Variants in KIF5C observed in about 807,000 individuals in gnomAD.
KIF5C encodes kinesin heavy chain isoform 5C.
In KIF5C, 18 loss-of-function variants were observed where a neutral mutation model predicts 125.2. That is an observed-to-expected ratio of 0.14 (90% CI 0.10 to 0.21). KIF5C has a LOEUF of 0.21. KIF5C is among the 10% of genes least tolerant of loss of function. The probability of loss-of-function intolerance (pLI) is 1.00; values close to 1 mark genes in which losing one functional copy is unlikely to be tolerated. For synonymous variants in KIF5C, 405 were observed against 434.0 expected (o/e 0.93, Z 0.83); for missense variants, 780 against 1,183.8 (o/e 0.66, Z 5.01).
intron 8 of KIF5C, among the ~76,000 whole-genome samples, chr2:148,947,714 A>G (rs1682551887): frequency 6.6e-6 from 1 of 152,222 alleles, no homozygotes; most frequent in Non-Finnish European, 1.5e-5. Context: ...TCTCACTTCC[A>G]TAGCACCAGT....
chr2:148,911,563 G>T (rs1681339487), intron 1 of KIF5C, among the ~76,000 whole-genome samples: 1 of 152,174 alleles, frequency 6.6e-6, no homozygotes, highest in Non-Finnish European at 1.5e-5. Context: ...GGCATGAGAA[G>T]ACCAACCTTC....
intron 4 of KIF5C, among the ~76,000 whole-genome samples, chr2:148,940,440 A>C (rs941421678): frequency 5.3e-5 from 8 of 152,214 alleles, no homozygotes; most frequent in Non-Finnish European, 1.2e-4. Flanking sequence ...CCCACATCTC[A>C]GAGTAGCTGG....
At chr2:148,928,208 T>C (rs558911743) in intron 2 of KIF5C, among the ~76,000 whole-genome samples, 1 of 152,174 alleles carries the variant, frequency 6.6e-6, no homozygotes, top group Non-Finnish European at 1.5e-5. Flanking sequence ...CCCTCTACCA[T>C]GCTCCCAAAA....
intron 15 of KIF5C, 102 bp downstream of exon 15, chr2:148,983,868 A>G: frequency 1.5e-6 from 2 of 1,317,982 alleles, no homozygotes; most frequent in East Asian, 2.6e-5. Context: ...TGTGCTTTGC[A>G]TCTGCCATGT....
At chr2:149,015,662 T>C (rs1231600826) in intron 25 of KIF5C, among the ~76,000 whole-genome samples, 1 of 152,366 alleles carries the variant, frequency 6.6e-6, no homozygotes, top group Non-Finnish European at 1.5e-5. Flanking sequence ...TTTGATCTTA[T>C]CTGGTTCAAA....
At chr2:149,003,025 G>A (rs1451805581) in intron 21 of KIF5C, among the ~76,000 whole-genome samples, 2 of 151,996 alleles carry the variant, frequency 1.3e-5, no homozygotes, top group Non-Finnish European at 2.9e-5. Context: ...CCCTCGCCCA[G>A]CCCATGCACG....
chr2:148,998,234 A>G, intron 18 of KIF5C, 166 bp from the exon 19 acceptor site: 2 of 1,162,260 alleles, frequency 1.7e-6, no homozygotes, highest in South Asian at 1.6e-5. Flanking sequence ...TTATCCCAAT[A>G]AAGCAAGGCC....
At chr2:149,000,063 A>G (rs1423449503) in intron 19 of KIF5C, 3 of 185,504 alleles carry the variant, frequency 1.6e-5, no homozygotes, top group Non-Finnish European at 3.3e-5. Flanking sequence ...CAGGTTCCCC[A>G]AGTGACTGCA....
chr2:148,983,292 C>T (rs1681286633), intron 14 of KIF5C, among the ~76,000 whole-genome samples: 1 of 152,154 alleles, frequency 6.6e-6, no homozygotes, highest in Admixed American at 6.5e-5. Flanking sequence ...ATAGGACTGA[C>T]ATAGAATATC....
At position 148,949,955 on chromosome 2, in the gene KIF5C, T is replaced by C; in HGVS notation, c.819+12T>C. On this transcript the variant is annotated intron_variant, in intron 9 of 25. Coordinates refer to ENST00000435030, the MANE Select transcript of KIF5C (RefSeq NM_004522.3). ...TGGCAGAAGGGACAGTAAGTGATCC[T>C]GCCCCCATCTATTAAGTAATATTAT... 1 of 1,610,410 alleles carries C rather than the reference T, an allele frequency of 6.2e-7. No individual in the cohort carries two copies. Among genetic ancestry groups the C allele is most frequent in the Non-Finnish European group, 8.5e-7 (1 of 1,178,270 alleles).
intron 4 of KIF5C, among the ~76,000 whole-genome samples, chr2:148,938,747 T>G (rs1682344141): frequency 6.6e-6 from 1 of 152,126 alleles, no homozygotes; most frequent in East Asian, 1.9e-4. Context: ...GGGATCTTAG[T>G]GCACCAGGCC....
At chr2:149,016,833 G>A (rs1682375318) in intron 25 of KIF5C, among the ~76,000 whole-genome samples, 1 of 152,090 alleles carries the variant, frequency 6.6e-6, no homozygotes, top group African/African-American at 2.4e-5. Flanking sequence ...GAGAAAAGGT[G>A]GGCACAGCAG....
intron 2 of KIF5C, among the ~76,000 whole-genome samples, chr2:148,926,862 G>C (rs2105088694): frequency 6.6e-6 from 1 of 152,322 alleles, no homozygotes; most frequent in East Asian, 1.9e-4. Context: ...GAGAGGTTCT[G>C]CAGCAGTGAA....
chr2:148,890,835 G>A (rs1010560038), intron 1 of KIF5C, among the ~76,000 whole-genome samples: 1 of 152,128 alleles, frequency 6.6e-6, no homozygotes, highest in Non-Finnish European at 1.5e-5. Context: ...GCCCAAATGA[G>A]TTTCAACTGT....
chr2:148,975,683 A>C (rs1681042647), intron 12 of KIF5C, among the ~76,000 whole-genome samples: 1 of 151,974 alleles, frequency 6.6e-6, no homozygotes, highest in Admixed American at 6.6e-5. Flanking sequence ...AAGCACAGGT[A>C]CTCTCCCAAG....
intron 24 of KIF5C, 138 bp from the exon 25 acceptor site, chr2:149,011,432 G>C (rs1682192725): frequency 7.3e-6 from 9 of 1,234,778 alleles, no homozygotes; most frequent in Non-Finnish European, 9.7e-6. Flanking sequence ...TTTTCAGAGA[G>C]ATCTGGTGGT....
At chr2:148,904,261 C>G (rs1280431505) in intron 1 of KIF5C, among the ~76,000 whole-genome samples, 2 of 152,220 alleles carry the variant, frequency 1.3e-5, no homozygotes, top group African/African-American at 4.8e-5. Context: ...TGCTGTGTCT[C>G]AGCATCGGGG....
rs575872228 is a variant in KIF5C, at chr2:148,876,667, G to C, written c.126+924G>C. ...TCTCTGCAGCTGGGGCTGCTGGTAG[G>C]GGGAGGGAACACCAATGGATTGTAG... On this transcript the variant is annotated intron_variant, in intron 1 of 25. Coordinates refer to ENST00000435030, the MANE Select transcript of KIF5C (RefSeq NM_004522.3). The surrounding 1 kb of genome is among the most constrained non-coding windows in gnomAD (Gnocchi z 4.7). Among the ~76,000 whole-genome samples the C allele has an allele frequency of 4.6e-5, 7 of 152,246 alleles. No individual in the cohort carries two copies. Among genetic ancestry groups the C allele is most frequent in the Admixed American group, 3.9e-4 (6 of 15,306 alleles).
rs1202730694 is a variant in KIF5C at position 148,996,133 on chromosome 2, C to T, written c.2024-1131C>T. Among the ~76,000 whole-genome samples, 15 of 151,798 alleles carry T rather than the reference C, an allele frequency of 9.9e-5. No individual in the cohort carries two copies. In the East Asian group the frequency reaches 2.7e-3, roughly 27 times the overall value. On this transcript the variant is annotated intron_variant, in intron 17 of 25. Transcript: ENST00000435030. ...TCGTGGCACTGCACTCCAGCCTGGGCGACAGAACAAGACTCCATCTTGAAA... is the reference window on the plus strand; with the variant it reads ...TCGTGGCACTGCACTCCAGCCTGGGTGACAGAACAAGACTCCATCTTGAAA...
Sources: allele counts gnomAD v4.1 joint callset (sites outside exome capture counted in the v4.1 genomes callset), GRCh38; gene constraint gnomAD v4.1.1; non-coding constraint Gnocchi (gnomAD v3.1); transcripts MANE v1.5; gene names NCBI Gene and HGNC (gene_info 2026-07-23, HGNC 2026-07-21).